ZBTB7C: variants seen among roughly 807,000 people sequenced by gnomAD.
ZBTB7C encodes the protein zinc finger and BTB domain containing 7C.
ZBTB7C carries 8 observed loss-of-function variants against 25.7 expected under a neutral mutation model. The ratio of observed to expected loss-of-function variants is 0.31; its 90% CI spans 0.18 to 0.56. The LOEUF (loss-of-function observed/expected upper bound fraction) is 0.56, where lower values mean the gene tolerates loss of function less well. Among genes scored for constraint, ZBTB7C ranks in the 20% least tolerant of loss-of-function variants. ZBTB7C has a pLI of 0.91. For synonymous variants in ZBTB7C, 394 were observed against 369.0 expected (o/e 1.07, Z -0.78); for missense variants, 824 against 855.2 (o/e 0.96, Z 0.46).
intron 1 of ZBTB7C, among the ~76,000 whole-genome samples, chr18:48,387,113 G>T (rs1476452217): frequency 2.0e-5 from 3 of 152,192 alleles, no homozygotes; most frequent in Non-Finnish European, 2.9e-5. Flanking sequence ...GCAAAAACCA[G>T]GATGGGGAAT....
chr18:48,213,985 G>A (rs1292070946), intron 2 of ZBTB7C, among the ~76,000 whole-genome samples: 2 of 152,194 alleles, frequency 1.3e-5, no homozygotes, highest in East Asian at 1.9e-4. Flanking sequence ...GCTTGGACAC[G>A]CATCAGCCTG....
At chr18:48,367,731 C>A (rs2047279460) in intron 1 of ZBTB7C, among the ~76,000 whole-genome samples, 1 of 151,982 alleles carries the variant, frequency 6.6e-6, no homozygotes, top group African/African-American at 2.4e-5. Context: ...CCCAGCACTC[C>A]CTGCTGGGAT....
Position 48,158,665 on chromosome 18 carries a change from C to T in ZBTB7C, c.-17+27269G>A, listed in dbSNP as rs552207780. On this transcript the variant is annotated intron_variant, in intron 3 of 4. Coordinates refer to ENST00000590800, the MANE Select transcript of ZBTB7C (RefSeq NM_001318841.2). ...AGTTCCTAGGCCCTCTTCTGCAAGA[C>T]TCCGTTTTTATTATTGATTTGGCAG... 2.0e-5 allele frequency among the ~76,000 whole-genome samples: 3 copies of T among 152,224 alleles called. No homozygotes were observed. In the East Asian group the frequency reaches 5.8e-4, roughly 29 times the overall value.
chr18:48,194,968 G>A (rs889334626), intron 2 of ZBTB7C, among the ~76,000 whole-genome samples: 2 of 152,038 alleles, frequency 1.3e-5, no homozygotes, highest in African/African-American at 2.4e-5. Context: ...TGCCAGCTCT[G>A]GGAAACTCAG....
chr18:48,195,364 G>A (rs867687169), intron 2 of ZBTB7C, among the ~76,000 whole-genome samples: 7 of 152,238 alleles, frequency 4.6e-5, no homozygotes, highest in Middle Eastern at 3.4e-3. Flanking sequence ...TCATGGGGGC[G>A]GGTTTTCCCC....
At chr18:48,082,755 T>C (rs945445322) in intron 3 of ZBTB7C, among the ~76,000 whole-genome samples, 1 of 152,024 alleles carries the variant, frequency 6.6e-6, no homozygotes, top group African/African-American at 2.4e-5. Context: ...TATGGGCCCA[T>C]TTTAGAGATG....
intron 3 of ZBTB7C, among the ~76,000 whole-genome samples, chr18:48,089,023 T>A (rs2038304412): frequency 6.6e-6 from 1 of 152,092 alleles, no homozygotes; most frequent in Non-Finnish European, 1.5e-5. Flanking sequence ...GGTGGCAGTG[T>A]GCATGCACCC....
At chr18:48,366,274 T>C (rs1183960428) in intron 1 of ZBTB7C, among the ~76,000 whole-genome samples, 1 of 152,194 alleles carries the variant, frequency 6.6e-6, no homozygotes, top group Non-Finnish European at 1.5e-5. Flanking sequence ...ACTCAGGAAT[T>C]ATCTGAAAAA....
intron 3 of ZBTB7C, among the ~76,000 whole-genome samples, chr18:48,138,859 G>A (rs4076363): frequency 0.66 from 100,302 of 152,088 alleles, 33,235 homozygotes; most frequent in Admixed American, 0.73. Flanking sequence ...TGACCTGGAT[G>A]GAATCAGTAT....
intron 2 of ZBTB7C, among the ~76,000 whole-genome samples, chr18:48,189,092 G>A (rs2042132667): frequency 6.6e-6 from 1 of 152,196 alleles, no homozygotes; most frequent in Admixed American, 6.5e-5. Context: ...AGCACACCAT[G>A]GTTGCCGGAT....
intron 2 of ZBTB7C, among the ~76,000 whole-genome samples, chr18:48,297,976 A>G (rs2144725282): frequency 6.6e-6 from 1 of 152,214 alleles, no homozygotes; most frequent in Non-Finnish European, 1.5e-5. Context: ...GTGTCCTAAT[A>G]TCAAAGTAAA....
chr18:48,184,333 C>G (rs2042001802), intron 3 of ZBTB7C, among the ~76,000 whole-genome samples: 1 of 152,178 alleles, frequency 6.6e-6, no homozygotes, highest in Non-Finnish European at 1.5e-5. Flanking sequence ...GTTGCATAAT[C>G]TGAGCAATGT....
At chr18:48,365,661 G>C (rs2047205774) in intron 1 of ZBTB7C, among the ~76,000 whole-genome samples, 1 of 152,058 alleles carries the variant, frequency 6.6e-6, no homozygotes, top group Non-Finnish European at 1.5e-5. Flanking sequence ...CCTAAAGCAT[G>C]GGACCCAACT....
At chr18:48,100,573 T>A (rs1440161546) in intron 3 of ZBTB7C, among the ~76,000 whole-genome samples, 1 of 152,198 alleles carries the variant, frequency 6.6e-6, no homozygotes, top group African/African-American at 2.4e-5. Flanking sequence ...AAAGGTGTGG[T>A]CATCATTTAT....
At chr18:48,234,358 C>T (rs2043325423) in intron 2 of ZBTB7C, among the ~76,000 whole-genome samples, 1 of 151,976 alleles carries the variant, frequency 6.6e-6, no homozygotes, top group South Asian at 2.1e-4. Flanking sequence ...ACACTGATGG[C>T]AGAAAAAAAT....
At chr18:48,309,719 G>A (rs535048585) in intron 2 of ZBTB7C, among the ~76,000 whole-genome samples, 2 of 152,334 alleles carry the variant, frequency 1.3e-5, no homozygotes, top group Non-Finnish European at 1.5e-5. Context: ...CCTTTTAAGA[G>A]AGAGAAACTG....
intron 2 of ZBTB7C, among the ~76,000 whole-genome samples, chr18:48,231,270 T>A (rs533568523): frequency 6.6e-6 from 1 of 152,160 alleles, no homozygotes; most frequent in Non-Finnish European, 1.5e-5. Flanking sequence ...ATGGTGCTTT[T>A]TCTGGACCCT....
intron 3 of ZBTB7C, among the ~76,000 whole-genome samples, chr18:48,067,775 G>A (rs1033821457): frequency 9.3e-4 from 141 of 152,152 alleles, no homozygotes; most frequent in Non-Finnish European, 1.1e-3. Context: ...GCCGAGGCGG[G>A]CAGATCACCT....
At chr18:48,279,246 T>C (rs895231367) in intron 2 of ZBTB7C, among the ~76,000 whole-genome samples, 3 of 152,170 alleles carry the variant, frequency 2.0e-5, no homozygotes, top group Non-Finnish European at 4.4e-5. Context: ...TGACATCCAG[T>C]ACTTACAGGC....
Sources: allele counts gnomAD v4.1 joint callset (sites outside exome capture counted in the v4.1 genomes callset), GRCh38; gene constraint gnomAD v4.1.1; transcripts MANE v1.5; gene names NCBI Gene and HGNC (gene_info 2026-07-23, HGNC 2026-07-21).